Variants in EPB41L4A observed in about 807,000 individuals in gnomAD.
EPB41L4A encodes band 4.1-like protein 4A.
A neutral mutation model predicts 108.6 loss-of-function variants in EPB41L4A; 100 were observed. The observed-to-expected ratio is 0.92, with a 90% confidence interval of 0.78 to 1.09. EPB41L4A has a LOEUF of 1.09. EPB41L4A is among the 50% of genes least tolerant of loss of function. EPB41L4A has a pLI of 0.00. For synonymous variants in EPB41L4A, 319 were observed against 289.0 expected, an observed-to-expected ratio of 1.10 and a Z score of -1.05; for missense variants, 1,030 against 842.7, an observed-to-expected ratio of 1.22 and a Z score of -2.75.
At chr5:112,300,835 A>C (rs1754304859) in intron 2 of EPB41L4A, among the ~76,000 whole-genome samples, 1 of 151,874 alleles carries the variant, frequency 6.6e-6, no homozygotes, top group South Asian at 2.1e-4. Flanking sequence ...GGTTTTGTTC[A>C]TTTTTTTAAT....
chr5:112,196,367 A>C (rs1012652414), intron 15 of EPB41L4A, among the ~76,000 whole-genome samples: 1 of 152,226 alleles, frequency 6.6e-6, no homozygotes, highest in Non-Finnish European at 1.5e-5. Context: ...TCTCCTTTAA[A>C]GTCTCCTCTA....
intron 1 of EPB41L4A, among the ~76,000 whole-genome samples, chr5:112,335,962 T>G (rs1484407707): frequency 2.0e-5 from 3 of 151,902 alleles, no homozygotes; most frequent in African/African-American, 7.3e-5. Context: ...AACAGTACCG[T>G]CCCCCAGTCT....
At chr5:112,392,779 G>C (rs1333744623) in intron 1 of EPB41L4A, 1 of 152,186 alleles carries the variant, frequency 6.6e-6, no homozygotes, top group African/African-American at 2.4e-5. Flanking sequence ...CAAATCAACA[G>C]AATATAGTTT....
intron 6 of EPB41L4A, 47 bp from the exon 7 acceptor site, chr5:112,262,628 G>A (rs757058795): frequency 1.0e-5 from 15 of 1,438,768 alleles, no homozygotes; most frequent in Middle Eastern, 1.8e-4. Flanking sequence ...AGCAGCTACT[G>A]CACTTACAGG....
At chr5:112,404,381 T>C (rs1024415328) in intron 1 of EPB41L4A, among the ~76,000 whole-genome samples, 3 of 152,210 alleles carry the variant, frequency 2.0e-5, no homozygotes, top group Admixed American at 1.3e-4. Context: ...TTGCCAACAG[T>C]GAGTAAATGA....
chr5:112,180,247 G>T (rs575259772), intron 18 of EPB41L4A, among the ~76,000 whole-genome samples: 30 of 152,122 alleles, frequency 2.0e-4, no homozygotes, highest in African/African-American at 7.2e-4. Context: ...AAATGCAAAG[G>T]TCCTAATAAA....
intron 9 of EPB41L4A, among the ~76,000 whole-genome samples, chr5:112,253,149 G>C (rs895439364): frequency 2.0e-5 from 3 of 152,172 alleles, no homozygotes; most frequent in Non-Finnish European, 4.4e-5. Context: ...CTTATTAGTT[G>C]CAAGAGAGAA....
intron 1 of EPB41L4A, among the ~76,000 whole-genome samples, chr5:112,348,102 A>G (rs995621135): frequency 2.0e-5 from 3 of 152,168 alleles, no homozygotes; most frequent in African/African-American, 7.2e-5. Flanking sequence ...ATAAGCCAAC[A>G]TGTGCCCTAC....
chr5:112,276,169 T>C (rs1201263533), intron 3 of EPB41L4A, among the ~76,000 whole-genome samples: 3 of 152,206 alleles, frequency 2.0e-5, no homozygotes, highest in Non-Finnish European at 4.4e-5. Flanking sequence ...AGGGACAATA[T>C]TTGTTTCATT....
rs114542696 is a variant in EPB41L4A at position 112,202,726 on chromosome 5, G to C, written c.1376+1649C>G. ...TTCAGTGAAGTTGAACTTGGTTTCA[G>C]AAAGCTGGGGGCAAAGCTCTGGGAA... On this transcript the variant is annotated intron_variant, in intron 15 of 22. Transcript: ENST00000261486. Among the ~76,000 whole-genome samples, 302 of 152,120 alleles carry C rather than the reference G, an allele frequency of 2.0e-3. 1 individual carries two copies. Among genetic ancestry groups the C allele is most frequent in the African/African-American group, 6.7e-3 (280 of 41,504 alleles).
chr5:112,299,346 C>T lies in EPB41L4A; in HGVS notation c.204+8040G>A, dbSNP rs1181352148. On this transcript the variant is annotated intron_variant, in intron 2 of 22. Transcript: ENST00000261486. ...CCTAGAGGTTTTGATAGTTGTGTCA[C>T]TATTATCATTCAGTTTGAAGAATTT... Among the ~76,000 whole-genome samples, 4 of 152,268 alleles carry T rather than the reference C, an allele frequency of 2.6e-5. No individual in the cohort carries two copies. In the East Asian group the frequency reaches 5.8e-4, roughly 22 times the overall value.
At chr5:112,411,718 G>GA (rs1265789122) in intron 1 of EPB41L4A, among the ~76,000 whole-genome samples, 10 of 152,172 alleles carry the variant, frequency 6.6e-5, no homozygotes, top group Non-Finnish European at 1.5e-4. Flanking sequence ...GCAGGGAGGG[G>GA]AAAGACTGAT....
At chr5:112,185,805 A>G (rs532370495) in intron 17 of EPB41L4A, among the ~76,000 whole-genome samples, 22 of 152,292 alleles carry the variant, frequency 1.4e-4, no homozygotes, top group Non-Finnish European at 2.5e-4. Context: ...TCTTTGAAAC[A>G]AACACTCCCA....
At chr5:112,172,237 A>G (rs551861837) in intron 18 of EPB41L4A, among the ~76,000 whole-genome samples, 45 of 152,346 alleles carry the variant, frequency 3.0e-4, no homozygotes, top group African/African-American at 1.0e-3. Context: ...TAGGCTGGGC[A>G]TAGTGGCTCA....
chr5:112,195,327 G>A (rs910726588), intron 16 of EPB41L4A, among the ~76,000 whole-genome samples: 10 of 151,878 alleles, frequency 6.6e-5, no homozygotes, highest in East Asian at 1.9e-4. Context: ...TCATGAAATC[G>A]TGAACAAGAC....
chr5:112,230,656 A>G (rs1748846409), intron 12 of EPB41L4A, among the ~76,000 whole-genome samples: 1 of 151,546 alleles, frequency 6.6e-6, no homozygotes, highest in South Asian at 2.1e-4. Flanking sequence ...GTTTGCGAAT[A>G]TTTTCTCCCA....
At chr5:112,214,256 T>G (rs1393964250) in intron 12 of EPB41L4A, among the ~76,000 whole-genome samples, 1 of 152,074 alleles carries the variant, frequency 6.6e-6, no homozygotes. Flanking sequence ...TGAAGATGAG[T>G]AAAAGGAAAG....
chr5:112,205,350 T>G (rs1216363837), intron 14 of EPB41L4A, 71 bp downstream of exon 14: 2 of 1,308,764 alleles, frequency 1.5e-6, no homozygotes, highest in Non-Finnish European at 2.2e-6. Flanking sequence ...GCTGGATTCC[T>G]TTATTCAATG....
intron 1 of EPB41L4A, among the ~76,000 whole-genome samples, chr5:112,345,165 A>AG (rs769514974): frequency 6.6e-6 from 1 of 152,230 alleles, no homozygotes; most frequent in African/African-American, 2.4e-5. Context: ...AATGGCCCAC[A>AG]GCATGTCCAG....
Sources: allele counts gnomAD v4.1 joint callset (sites outside exome capture counted in the v4.1 genomes callset), GRCh38; gene constraint gnomAD v4.1.1; transcripts MANE v1.5; gene names NCBI Gene and HGNC (gene_info 2026-07-23, HGNC 2026-07-21).